The following GFOD2 variants were observed in gnomAD, a reference collection of about 807,000 sequenced individuals.
GFOD2 encodes the protein glucose-fructose oxidoreductase domain-containing protein 2.
A neutral mutation model predicts 24.6 loss-of-function variants in GFOD2; 9 were observed. The observed-to-expected ratio is 0.37, with a 90% CI of 0.22 to 0.64. The LOEUF is 0.64. Among genes scored for constraint, GFOD2 ranks in the 30% least tolerant of loss-of-function variants. GFOD2 has a pLI of 0.65. For synonymous variants in GFOD2, 211 were observed against 224.8 expected, an observed-to-expected ratio of 0.94 and a Z score of 0.55; for missense variants, 476 against 532.5, an observed-to-expected ratio of 0.89 and a Z score of 1.04.
chr16:67,704,382 A>G (rs1223837808), intron 1 of GFOD2, among the ~76,000 whole-genome samples: 1 of 152,222 alleles, frequency 6.6e-6, no homozygotes, highest in Non-Finnish European at 1.5e-5. Context: ...CTGATTTAAC[A>G]ATTATAACTT....
chr16:67,685,270 G>T, intron 2 of GFOD2, 187 bp downstream of exon 2: 6 of 1,435,858 alleles, frequency 4.2e-6, no homozygotes, highest in Non-Finnish European at 5.5e-6. Context: ...ACAGATGGGA[G>T]GTAGGTTAGG....
chr16:67,696,981 A>G (rs574999559), intron 1 of GFOD2, among the ~76,000 whole-genome samples: 76 of 151,934 alleles, frequency 5.0e-4, no homozygotes, highest in Admixed American at 1.3e-3. Flanking sequence ...AAATTTCCCC[A>G]CTCTTTGTCT....
chr16:67,701,404 A>T (rs1050743946), intron 1 of GFOD2, among the ~76,000 whole-genome samples: 2 of 152,236 alleles, frequency 1.3e-5, no homozygotes, highest in African/African-American at 4.8e-5. Context: ...TATCAACGCC[A>T]ATGGATACTA....
intron 1 of GFOD2, among the ~76,000 whole-genome samples, chr16:67,715,027 G>A (rs1020468166): frequency 6.6e-6 from 1 of 151,924 alleles, no homozygotes; most frequent in African/African-American, 2.4e-5. Flanking sequence ...GGAAATATTC[G>A]ATTCTTCCTT....
intron 2 of GFOD2, chr16:67,682,284 C>T (rs1438169800): frequency 5.1e-5 from 46 of 899,244 alleles, no homozygotes; most frequent in Non-Finnish European, 5.6e-5. Flanking sequence ...GATCCGCCCG[C>T]CTCGGCCTCC....
chr16:67,675,247 G>A lies in GFOD2; in HGVS notation c.1066C>T (p.Arg356Ter), dbSNP rs767371058. Residue 356 changes from arginine to a stop codon, truncating the protein, a stop_gained, in exon 3 of 3, where the codon CGA becomes TGA. Transcript: ENST00000268797. LOFTEE classifies it high-confidence loss of function. ...SVVDAIKRSSRSGEWEAVEVL... is the reference protein window; with the variant it reads ...SVVDAIKRSS ...TCCACAGCCTCCCACTCCCCGGATC[G>A]GCTCGACCTCTTGATGGCATCCACC... 2.0e-5 allele frequency: 33 copies of A among 1,613,246 alleles called. No homozygotes were observed. The highest frequency in any genetic ancestry group is 2.4e-5 in the Non-Finnish European group (28 of 1,180,014).
At chr16:67,707,357 CAAA>C (rs1220107900) in intron 1 of GFOD2, among the ~76,000 whole-genome samples, 3 of 80,466 alleles carry the variant, frequency 3.7e-5, no homozygotes, top group Admixed American at 1.4e-4. Flanking sequence ...AACTCCATTT[CAAA>C]AAAAAAAAAA....
At chr16:67,687,467 T>G (rs921279965) in intron 1 of GFOD2, among the ~76,000 whole-genome samples, 2 of 151,354 alleles carry the variant, frequency 1.3e-5, no homozygotes, top group Non-Finnish European at 2.9e-5. Context: ...AGTGAAACCC[T>G]GTCTCTACTA....
In GFOD2 at chr16:67,681,484, T is replaced by A. The variant is rs1443704175; in HGVS notation, c.259+3973A>T. 3 of 863,166 alleles carry A rather than the reference T, an allele frequency of 3.5e-6. No individual in the cohort carries two copies. In the East Asian group the frequency reaches 3.6e-4, roughly 105 times the overall value. 53.5% of individuals were successfully genotyped at this position (863,166 alleles called of 1,614,324 possible). Reference sequence around the variant, plus strand: ...TACCCAGTGGTATAATCTTGGCTCATTGCAACCTCCGCTTCCTGGGCTCAA... The same window carrying A: ...TACCCAGTGGTATAATCTTGGCTCAATGCAACCTCCGCTTCCTGGGCTCAA... On this transcript the variant is annotated intron_variant, in intron 2 of 2. Transcript: ENST00000268797.
chr16:67,681,084 G>C, intron 2 of GFOD2: 1 of 985,462 alleles, frequency 1.0e-6, no homozygotes, highest in Non-Finnish European at 1.2e-6. Context: ...TTCCAGATTA[G>C]GGAAGACAAT....
chr16:67,693,568 G>A lies in GFOD2; in HGVS notation c.-87-7766C>T, dbSNP rs568194013. 5.3e-5 allele frequency among the ~76,000 whole-genome samples: 8 copies of A among 152,198 alleles called. No homozygotes were observed. The South Asian group carries it at 1.7e-3, about 32-fold the overall frequency. ...ATTACAGGCATGAGCCATGGTCCCTGGCTAGAATCTTTTTTGGGAAGTGGA... is the reference window on the plus strand; with the variant it reads ...ATTACAGGCATGAGCCATGGTCCCTAGCTAGAATCTTTTTTGGGAAGTGGA... On this transcript the variant is annotated intron_variant, in intron 1 of 2. Transcript: ENST00000268797.
Position 67,675,115 on chromosome 16 carries a change from C to G in GFOD2, c.*40G>C. On this transcript the variant is annotated 3_prime_UTR_variant, in exon 3 of 3. Transcript: ENST00000268797. ...TCATGTCTGGCTCCTGTTCCCCTCC[C>G]TGGTCCCTCTGCCCTGTGGCAAGGA... is the stretch of plus-strand genomic sequence containing the variant. 6.4e-7 allele frequency: 1 copy of G among 1,570,644 alleles called. No homozygotes were observed. Among genetic ancestry groups the G allele is most frequent in the Non-Finnish European group, 8.7e-7 (1 of 1,156,046 alleles).
At position 67,685,218 on chromosome 16, in the gene GFOD2, GCTGT is replaced by G. The variant is rs1421081058; in HGVS notation, c.259+235_259+238del. 2.8e-6 allele frequency: 4 copies of G among 1,417,232 alleles called. No homozygotes were observed. In the African/African-American group the frequency reaches 5.7e-5, roughly 20 times the overall value. The allele number at this position is 1,417,232 out of a possible 1,614,324, so 87.8% of individuals were successfully genotyped here. On this transcript the variant is annotated intron_variant, in intron 2 of 2. Transcript: ENST00000268797. ...TGCAACCATCTCCAGCCCCTTGATG[GCTGT>G]CTCTTAGAGTATTTCCTTAATTTCT...
rs771355265 is a variant in GFOD2 at position 67,675,585 on chromosome 16, A to G, written c.728T>C (p.Met243Thr). The change falls in exon 3 of 3, where the codon ATG becomes ACG. Residue 243 changes from methionine to threonine, a missense_variant. Coordinates refer to ENST00000268797, the MANE Select transcript of GFOD2 (RefSeq NM_030819.4). ...VCSTVTLNFN[M>T]PGAFVHEVMV... Reference sequence around the variant, plus strand: ...GACTTCATGCACAAAGGCGCCTGGCATGTTGAAGTTGAGTGTCACTGTGCT... The same window carrying G: ...GACTTCATGCACAAAGGCGCCTGGCGTGTTGAAGTTGAGTGTCACTGTGCT... The G allele has an allele frequency of 1.2e-6, 2 of 1,613,514 alleles. No individual in the cohort carries two copies. The highest frequency in any genetic ancestry group is 3.3e-5 in the Admixed American group (2 of 60,036).
chr16:67,711,675 T>C (rs1394017427), intron 1 of GFOD2, among the ~76,000 whole-genome samples: 1 of 152,208 alleles, frequency 6.6e-6, no homozygotes, highest in East Asian at 1.9e-4. Flanking sequence ...ACTCCTGATG[T>C]TTCTCCCCAC....
chr16:67,715,489 T>C (rs1177358162), intron 1 of GFOD2, among the ~76,000 whole-genome samples: 1 of 152,244 alleles, frequency 6.6e-6, no homozygotes, highest in Non-Finnish European at 1.5e-5. Context: ...TGTTAGAGTG[T>C]AGGGAATTCT....
At chr16:67,685,124 C>A in intron 2 of GFOD2, 1 of 1,330,224 alleles carries the variant, frequency 7.5e-7, no homozygotes. Flanking sequence ...ACACTAGTCA[C>A]AACCAATTCC....
chr16:67,696,116 C>T (rs763148197), intron 1 of GFOD2, among the ~76,000 whole-genome samples: 3 of 151,640 alleles, frequency 2.0e-5, no homozygotes, highest in South Asian at 2.1e-4. Context: ...CAGGTTCAAG[C>T]GATTCTCCTG....
intron 1 of GFOD2, among the ~76,000 whole-genome samples, chr16:67,700,450 G>C (rs2053393815): frequency 6.6e-6 from 1 of 152,036 alleles, no homozygotes; most frequent in East Asian, 1.9e-4. Flanking sequence ...TCATTAGACA[G>C]CATTAATTAG....
Sources: gnomAD v4.1 joint callset for allele counts (sites outside exome capture counted in the v4.1 genomes callset) on GRCh38, gnomAD v4.1.1 for gene constraint, MANE v1.5 for transcripts, NCBI Gene and HGNC (gene_info 2026-07-23, HGNC 2026-07-21) for gene names.